Variants in CUL5 observed in about 807,000 individuals in gnomAD.
CUL5 encodes cullin 5.
Under a neutral mutation model 108.8 loss-of-function variants are expected in CUL5, and 26 were observed. The ratio of observed to expected loss-of-function variants is 0.24; its 90% CI spans 0.18 to 0.33. The LOEUF is 0.33. Among genes scored for constraint, CUL5 ranks in the 10% least tolerant of loss-of-function variants. CUL5 has a pLI of 1.00. For synonymous variants in CUL5, 334 were observed against 298.0 expected (o/e 1.12, Z -1.25); for missense variants, 524 against 909.2 (o/e 0.58, Z 5.45).
intron 17 of CUL5, 136 bp downstream of exon 17, chr11:108,097,890 G>T: frequency 3.7e-6 from 2 of 546,306 alleles, no homozygotes; most frequent in Non-Finnish European, 6.5e-6. Flanking sequence ...ACATCATTTA[G>T]TTGTTTATGG....
At chr11:108,042,218 CTTT>C (rs11440201) in intron 2 of CUL5, among the ~76,000 whole-genome samples, 3 of 124,092 alleles carry the variant, frequency 2.4e-5, no homozygotes, top group African/African-American at 3.0e-5. Flanking sequence ...ATCCACAATT[CTTT>C]TTTTTTTTTT....
At chr11:108,048,625 A>C (rs1443218223) in intron 3 of CUL5, among the ~76,000 whole-genome samples, 1 of 143,864 alleles carries the variant, frequency 7.0e-6, no homozygotes, top group East Asian at 2.0e-4. Context: ...AAACTCTAAT[A>C]GTGGGGAAAT....
chr11:108,022,217 T>C (rs933411376), intron 1 of CUL5, among the ~76,000 whole-genome samples: 1 of 152,196 alleles, frequency 6.6e-6, no homozygotes, highest in Non-Finnish European at 1.5e-5. Flanking sequence ...CCAGGCGTTA[T>C]GTAGGGATTT....
intron 7 of CUL5, among the ~76,000 whole-genome samples, chr11:108,068,800 G>A (rs1321846784): frequency 6.6e-6 from 1 of 152,084 alleles, no homozygotes; most frequent in Non-Finnish European, 1.5e-5. Context: ...TTTCCTGATG[G>A]CCTCCTAGAG....
At chr11:108,046,447 ACTT>A (rs1863068299) in intron 3 of CUL5, 78 bp downstream of exon 3, 3 of 794,274 alleles carry the variant, frequency 3.8e-6, no homozygotes, top group Non-Finnish European at 5.9e-6. Context: ...TGAAAGTAGA[ACTT>A]CTTGAAGTAA....
At chr11:108,097,564 T>C in intron 16 of CUL5, 72 bp from the exon 17 acceptor site, 1 of 818,356 alleles carries the variant, frequency 1.2e-6, no homozygotes, top group Non-Finnish European at 2.0e-6. Context: ...CTATGTTGAT[T>C]ATGTGGGAGA....
intron 3 of CUL5, among the ~76,000 whole-genome samples, chr11:108,048,542 G>A (rs1039282179): frequency 6.6e-6 from 1 of 151,752 alleles, no homozygotes; most frequent in African/African-American, 2.4e-5. Context: ...ACCTATTCAT[G>A]GATAGACTGA....
At chr11:108,090,332 CA>C (rs1246055586) in intron 13 of CUL5, among the ~76,000 whole-genome samples, 1 of 151,434 alleles carries the variant, frequency 6.6e-6, no homozygotes, top group Non-Finnish European at 1.5e-5. Context: ...ATTAAAAATA[CA>C]AAAAAATTAA....
intron 1 of CUL5, among the ~76,000 whole-genome samples, chr11:108,024,974 C>T (rs1454198418): frequency 6.6e-6 from 1 of 152,202 alleles, no homozygotes; most frequent in Non-Finnish European, 1.5e-5. Flanking sequence ...CTAAAGCCTT[C>T]AGTTCAGTGA....
chr11:108,028,840 A>T lies in CUL5; in HGVS notation c.25-4962A>T, dbSNP rs1337946783. 2.0e-5 allele frequency among the ~76,000 whole-genome samples: 3 copies of T among 152,290 alleles called. No individual in the cohort carries two copies. In the East Asian group the frequency reaches 5.8e-4, roughly 29 times the overall value. On this transcript the variant is annotated intron_variant, in intron 1 of 18. Transcript: ENST00000393094. ...CTCCATCTCAAAAAAAATAAAAAAT[A>T]AAAAAGATTATGACACTTCTTGCTC...
At chr11:108,026,423 T>C (rs911104105) in intron 1 of CUL5, among the ~76,000 whole-genome samples, 1 of 152,350 alleles carries the variant, frequency 6.6e-6, no homozygotes, top group East Asian at 1.9e-4. Flanking sequence ...ACATTGTCGT[T>C]ATTTCCACAT....
intron 7 of CUL5, among the ~76,000 whole-genome samples, chr11:108,059,469 G>A (rs1863479751): frequency 6.6e-6 from 1 of 152,162 alleles, no homozygotes. Flanking sequence ...TATTACAGTG[G>A]TTAGGGTCAT....
At chr11:108,068,476 G>A (rs546199503) in intron 7 of CUL5, among the ~76,000 whole-genome samples, 2 of 151,698 alleles carry the variant, frequency 1.3e-5, no homozygotes, top group African/African-American at 2.4e-5. Context: ...TTCTTTATTC[G>A]GAAAATTTTA....
In CUL5 at chr11:108,017,389, C is replaced by CAAAAAAAAAAAAAAAAAAA. The variant is rs71840119; in HGVS notation, c.24+8020_24+8038dup. 1.9e-5 allele frequency among the ~76,000 whole-genome samples: 2 copies of CAAAAAAAAAAAAAAAAAAA among 102,952 alleles called. 1 individual carries two copies. Among genetic ancestry groups the CAAAAAAAAAAAAAAAAAAA allele is most frequent in the African/African-American group, 8.1e-5 (2 of 24,632 alleles). The allele number at this position is 102,952 out of a possible 152,430, so 67.5% of individuals were successfully genotyped here. A position where few individuals can be genotyped will look rare whatever the true frequency, so the allele number is the denominator to read the frequency against. ...TGGGCGACAAAGCAAGACCCTGTCTCAAAAAAAAAAAAAAAAAAAAAGTAT... is the reference window on the plus strand; with the variant it reads ...TGGGCGACAAAGCAAGACCCTGTCTCAAAAAAAAAAAAAAAAAAAAAAAAAAAAAAAAAAAAAAAAGTAT... On this transcript the variant is annotated intron_variant, in intron 1 of 18. Coordinates refer to ENST00000393094, the MANE Select transcript of CUL5 (RefSeq NM_003478.6).
chr11:108,046,638 A>C (rs1461234666), intron 3 of CUL5: 1 of 297,790 alleles, frequency 3.4e-6, no homozygotes. Context: ...GGGAGTCCCC[A>C]CCACCATTAT....
At chr11:108,082,582 T>C (rs1188425599) in intron 11 of CUL5, among the ~76,000 whole-genome samples, 2 of 151,980 alleles carry the variant, frequency 1.3e-5, no homozygotes, top group Admixed American at 1.3e-4. Context: ...CAGCCTGGAA[T>C]TGTTTTCTTA....
intron 2 of CUL5, among the ~76,000 whole-genome samples, chr11:108,039,982 G>A (rs1190469159): frequency 6.6e-6 from 1 of 152,078 alleles, no homozygotes; most frequent in Non-Finnish European, 1.5e-5. Flanking sequence ...TCACACCAGG[G>A]TCACACTATT....
At chr11:108,063,459 G>C (rs559270690) in intron 7 of CUL5, among the ~76,000 whole-genome samples, 1 of 152,092 alleles carries the variant, frequency 6.6e-6, no homozygotes, top group South Asian at 2.1e-4. Flanking sequence ...TTGGTGGACA[G>C]TAAGGTTCCT....
At position 108,026,874 on chromosome 11, in the gene CUL5, A is replaced by G. The variant is rs2135068383; in HGVS notation, c.25-6928A>G. Reference sequence around the variant, plus strand: ...CATGGTGGCGGGCACCTGTATTCCCAGCTACTCGGGAGGCTGAGGCAGGAA... The same window carrying G: ...CATGGTGGCGGGCACCTGTATTCCCGGCTACTCGGGAGGCTGAGGCAGGAA... On this transcript the variant is annotated intron_variant, in intron 1 of 18. Coordinates refer to ENST00000393094, the MANE Select transcript of CUL5 (RefSeq NM_003478.6). Among the ~76,000 whole-genome samples, 3 of 151,592 alleles carry G rather than the reference A, an allele frequency of 2.0e-5. No individual in the cohort carries two copies. In the South Asian group the frequency reaches 6.3e-4, roughly 32 times the overall value.
Sources: gnomAD v4.1 joint callset for allele counts (sites outside exome capture counted in the v4.1 genomes callset) on GRCh38, gnomAD v4.1.1 for gene constraint, MANE v1.5 for transcripts, NCBI Gene and HGNC (gene_info 2026-07-23, HGNC 2026-07-21) for gene names.